RERG: variants seen among roughly 807,000 people sequenced by gnomAD.
The protein encoded by RERG is ras-related and estrogen-regulated growth inhibitor.
A neutral mutation model predicts 23.2 loss-of-function variants in RERG; 25 were observed. That is an observed-to-expected ratio of 1.08 (90% confidence interval 0.79 to 1.50). RERG has a LOEUF of 1.50. Among genes scored for constraint, RERG ranks in the 40% most tolerant of loss-of-function variants. The probability of loss-of-function intolerance (pLI) is 0.00; values close to 1 mark genes in which losing one functional copy is unlikely to be tolerated. For synonymous variants in RERG, 81 were observed against 89.1 expected (o/e 0.91, Z 0.51); for missense variants, 253 against 250.1 (o/e 1.01, Z -0.08).
chr12:15,144,265 G>T (rs1864291796), intron 2 of RERG, among the ~76,000 whole-genome samples: 1 of 152,174 alleles, frequency 6.6e-6, no homozygotes, highest in Non-Finnish European at 1.5e-5. Flanking sequence ...CAATGGAGAT[G>T]CTCAGTGACC....
At chr12:15,135,117 T>C (rs973048077) in intron 2 of RERG, among the ~76,000 whole-genome samples, 1 of 152,200 alleles carries the variant, frequency 6.6e-6, no homozygotes, top group African/African-American at 2.4e-5. Context: ...GTTTTCCCCA[T>C]AGAGGTCTTG....
rs541526047 is a variant in RERG, at chr12:15,182,173, C to T, written c.61+35256G>A. Among the ~76,000 whole-genome samples, 9 of 151,882 alleles carry T rather than the reference C, an allele frequency of 5.9e-5. 1 individual carries two copies. In the East Asian group the frequency reaches 1.7e-3, roughly 30 times the overall value. ...TCTTAGGATCAAGCAATTCCCCTGCCTCAGCCTCTTCAGTAGCTGGGATTA... is the reference window on the plus strand; with the variant it reads ...TCTTAGGATCAAGCAATTCCCCTGCTTCAGCCTCTTCAGTAGCTGGGATTA... On this transcript the variant is annotated intron_variant, in intron 2 of 4. Coordinates refer to ENST00000256953, the MANE Select transcript of RERG (RefSeq NM_032918.3).
chr12:15,189,156 A>C (rs1177098894), intron 2 of RERG, among the ~76,000 whole-genome samples: 1 of 152,174 alleles, frequency 6.6e-6, no homozygotes, highest in East Asian at 1.9e-4. Context: ...TAGCATAGAA[A>C]TTATAGACTG....
chr12:15,150,693 G>A (rs924652262), intron 2 of RERG, among the ~76,000 whole-genome samples: 3 of 152,158 alleles, frequency 2.0e-5, no homozygotes, highest in African/African-American at 7.2e-5. Context: ...TCAGCTATTA[G>A]GTGGAAAAGC....
At chr12:15,121,253 A>C (rs554652305) in intron 2 of RERG, 134 bp from the exon 3 acceptor site, 1 of 646,052 alleles carries the variant, frequency 1.5e-6, no homozygotes, top group Admixed American at 3.1e-5. Context: ...AAAACAAATA[A>C]ATTTTTTTAT....
At chr12:15,212,245 G>C (rs562792604) in intron 2 of RERG, among the ~76,000 whole-genome samples, 1 of 148,516 alleles carries the variant, frequency 6.7e-6, no homozygotes, top group Non-Finnish European at 1.5e-5. Context: ...ATTTTTAGTA[G>C]AGACGGGGTT....
intron 2 of RERG, among the ~76,000 whole-genome samples, chr12:15,180,363 C>T (rs1409670256): frequency 1.3e-5 from 2 of 152,124 alleles, no homozygotes; most frequent in Non-Finnish European, 1.5e-5. Flanking sequence ...CAGAACTGTC[C>T]ACAAACCAGT....
chr12:15,146,875 G>A (rs1269923814), intron 2 of RERG, among the ~76,000 whole-genome samples: 6 of 152,218 alleles, frequency 3.9e-5, no homozygotes, highest in East Asian at 3.9e-4. Context: ...CAGTACAAAC[G>A]CATGCAGATT....
chr12:15,155,023 T>C (rs1400872419), intron 2 of RERG, among the ~76,000 whole-genome samples: 1 of 152,048 alleles, frequency 6.6e-6, no homozygotes, highest in African/African-American at 2.4e-5. Flanking sequence ...AAGAAACCAG[T>C]GTATGTATAA....
At chr12:15,189,390 A>C (rs1451991026) in intron 2 of RERG, among the ~76,000 whole-genome samples, 1 of 152,070 alleles carries the variant, frequency 6.6e-6, no homozygotes, top group Non-Finnish European at 1.5e-5. Flanking sequence ...TCCTTTTCCT[A>C]AAATACATTT....
intron 2 of RERG, chr12:15,217,181 C>T: frequency 2.6e-6 from 1 of 380,642 alleles, no homozygotes; most frequent in Non-Finnish European, 4.7e-6. Flanking sequence ...ATCAGAATGC[C>T]AAGACCTCTG....
intron 2 of RERG, among the ~76,000 whole-genome samples, chr12:15,190,938 C>T (rs1865062153): frequency 6.6e-6 from 1 of 152,156 alleles, no homozygotes; most frequent in Non-Finnish European, 1.5e-5. Flanking sequence ...CCCAGGTTGT[C>T]AGTAGACTTC....
At chr12:15,145,087 T>C (rs1043454925) in intron 2 of RERG, among the ~76,000 whole-genome samples, 1 of 152,220 alleles carries the variant, frequency 6.6e-6, no homozygotes, top group Admixed American at 6.5e-5. Flanking sequence ...AAATCACAGA[T>C]AGCCATTCCT....
At chr12:15,133,382 T>C (rs372013999) in intron 2 of RERG, among the ~76,000 whole-genome samples, 9 of 151,984 alleles carry the variant, frequency 5.9e-5, no homozygotes, top group East Asian at 1.9e-4. Context: ...CTTAGTAATA[T>C]GCATTTAAGT....
At chr12:15,137,812 T>G (rs1342116760) in intron 2 of RERG, 1 of 430,780 alleles carries the variant, frequency 2.3e-6, no homozygotes, top group Non-Finnish European at 4.6e-6. Flanking sequence ...GTAAGAAAAA[T>G]TAAAGTTTTA....
At chr12:15,175,929 A>T in intron 2 of RERG, among the ~76,000 whole-genome samples, 1 of 152,178 alleles carries the variant, frequency 6.6e-6, no homozygotes, top group South Asian at 2.1e-4. Flanking sequence ...AGAGATGGGG[A>T]AAGAGTGATA....
intron 2 of RERG, among the ~76,000 whole-genome samples, chr12:15,125,006 A>G (rs1021819936): frequency 6.6e-6 from 1 of 152,026 alleles, no homozygotes; most frequent in South Asian, 2.1e-4. Context: ...CAACATTCAT[A>G]TAATAATGAA....
intron 1 of RERG, among the ~76,000 whole-genome samples, chr12:15,219,691 C>A (rs936550120): frequency 5.9e-5 from 9 of 152,186 alleles, no homozygotes; most frequent in African/African-American, 2.2e-4. Context: ...GCAAGTATTT[C>A]TTTGAAACAT....
At chr12:15,110,523 G>A (rs1863593198) in intron 4 of RERG, among the ~76,000 whole-genome samples, 1 of 125,310 alleles carries the variant, frequency 8.0e-6, no homozygotes, top group Non-Finnish European at 1.6e-5. Context: ...CTGTCGCCCA[G>A]GCTGGAGTGC....
Sources: gnomAD v4.1 joint callset for allele counts (sites outside exome capture counted in the v4.1 genomes callset) on GRCh38, gnomAD v4.1.1 for gene constraint, MANE v1.5 for transcripts, NCBI Gene and HGNC (gene_info 2026-07-23, HGNC 2026-07-21) for gene names.